Variants in ABCC12 observed in about 807,000 individuals in gnomAD.
ABCC12 encodes the protein ATP binding cassette subfamily C member 12.
Under a neutral mutation model 151.1 loss-of-function variants are expected in ABCC12, and 142 were observed. The observed-to-expected ratio is 0.94, with a 90% CI of 0.82 to 1.08. The LOEUF is 1.08. Ranked by LOEUF, ABCC12 falls within the 50% of genes least tolerant of loss-of-function variation. ABCC12 has a pLI of 0.00. For missense variants in ABCC12, 1,638 were observed against 1,691.1 expected (o/e 0.97, Z 0.55); for synonymous variants, 645 against 646.4 (o/e 1.00, Z 0.03).
In ABCC12 at chr16:48,130,553, A is replaced by G. The variant is rs74645201; in HGVS notation, c.1236+235T>C. On this transcript the variant is annotated intron_variant, in intron 10 of 30. Coordinates refer to ENST00000311303, the MANE Select transcript of ABCC12 (RefSeq NM_001393797.1). Reference sequence around the variant, plus strand: ...GTTTAGGAAAAAGAGGATCAGGAACATCTTCTTCATGTACAGAGATTATCT... The same window carrying G: ...GTTTAGGAAAAAGAGGATCAGGAACGTCTTCTTCATGTACAGAGATTATCT... Among the ~76,000 whole-genome samples, 746 of 152,350 alleles carry G rather than the reference A, an allele frequency of 4.9e-3. 6 individuals are homozygous for G. The highest frequency in any genetic ancestry group is 0.017 in the African/African-American group (701 of 41,582).
chr16:48,092,816 C>T lies in ABCC12; in HGVS notation c.3196-1607G>A, dbSNP rs141565650. Among the ~76,000 whole-genome samples, 417 of 152,182 alleles carry T rather than the reference C, an allele frequency of 2.7e-3. 1 individual carries two copies. Among genetic ancestry groups the T allele is most frequent in the African/African-American group, 9.5e-3 (395 of 41,484 alleles). ...AGATAGGGGTTTCCAGAGGACTGTG[C>T]GAGCTGAGGCATTTATGATAAGAAG... is the stretch of plus-strand genomic sequence containing the variant. On this transcript the variant is annotated intron_variant, in intron 24 of 30. Coordinates refer to ENST00000311303, the MANE Select transcript of ABCC12 (RefSeq NM_001393797.1).
intron 4 of ABCC12, among the ~76,000 whole-genome samples, chr16:48,142,741 A>G (rs1198133823): frequency 6.6e-6 from 1 of 152,268 alleles, no homozygotes; most frequent in Non-Finnish European, 1.5e-5. Flanking sequence ...TCATCCTAAC[A>G]TGGAAAAGTC....
At position 48,143,920 on chromosome 16, in the gene ABCC12, T is replaced by C; in HGVS notation, c.265A>G (p.Asn89Asp). 1 of 1,613,450 alleles carries C rather than the reference T, an allele frequency of 6.2e-7. No homozygotes were observed. The highest frequency in any genetic ancestry group is 8.5e-7 in the Non-Finnish European group (1 of 1,179,548). The change falls in exon 4 of 31, where the codon AAT (asparagine) becomes GAT (aspartate). Residue 89 changes from asparagine to aspartate, a missense_variant. Transcript: ENST00000311303. ...AGCAAATCCTGGTACCTTTTGGCAT[T>C]GGTGTCAGATGAGTCATATGTCGAC... is the stretch of plus-strand genomic sequence containing the variant. ...PLSTYDSSDTNAKRFRVLWDE... is the reference protein window; with the variant it reads ...PLSTYDSSDTDAKRFRVLWDE...
intron 9 of ABCC12, among the ~76,000 whole-genome samples, chr16:48,133,326 A>G (rs954782749): frequency 2.0e-5 from 3 of 152,104 alleles, no homozygotes; most frequent in Non-Finnish European, 4.4e-5. Context: ...GTTCAAGACC[A>G]GCCTGGCCAA....
chr16:48,096,647 TC>T, intron 24 of ABCC12, 98 bp downstream of exon 24: 1 of 1,260,276 alleles, frequency 7.9e-7, no homozygotes, highest in Non-Finnish European at 1.1e-6. Flanking sequence ...TTAAACCCAT[TC>T]GAGTTGGGGT....
intron 9 of ABCC12, 117 bp downstream of exon 9, chr16:48,133,570 G>A: frequency 8.1e-7 from 1 of 1,241,888 alleles, no homozygotes; most frequent in Non-Finnish European, 1.1e-6. Context: ...ACATCCTGTG[G>A]CCTGCCATGA....
chr16:48,138,486 C>G, intron 7 of ABCC12, 111 bp from the exon 8 acceptor site: 2 of 1,279,244 alleles, frequency 1.6e-6, no homozygotes, highest in Non-Finnish European at 2.1e-6. Flanking sequence ...AGGAAGTTGG[C>G]TTCAGATTCT....
At position 48,140,728 on chromosome 16, in the gene ABCC12, G is replaced by A; in HGVS notation, c.616C>T (p.Leu206=). ...TGGGTCAATGTCTTGAAGGACACTAGGTTTTCAAAAACCAAGGTGGAGAGC... is the reference window on the plus strand; with the variant it reads ...TGGGTCAATGTCTTGAAGGACACTAAGTTTTCAAAAACCAAGGTGGAGAGC... ...VALSTLVFEN[L]VSFKTLTHIS... Residue 206 remains leucine, a synonymous_variant, in exon 6 of 31, where the codon CTA becomes TTA. Coordinates refer to ENST00000311303, the MANE Select transcript of ABCC12 (RefSeq NM_001393797.1). 1 of 1,614,210 alleles carries A rather than the reference G, an allele frequency of 6.2e-7. No individual in the cohort carries two copies. Among genetic ancestry groups the A allele is most frequent in the East Asian group, 2.2e-5 (1 of 44,882 alleles).
At chr16:48,109,290 C>T (rs1391512967) in intron 18 of ABCC12, among the ~76,000 whole-genome samples, 3 of 152,136 alleles carry the variant, frequency 2.0e-5, no homozygotes, top group African/African-American at 7.2e-5. Context: ...TGCATGGACA[C>T]CTGATTCCCT....
chr16:48,104,746 C>T (rs1963427534), intron 21 of ABCC12, among the ~76,000 whole-genome samples: 1 of 152,222 alleles, frequency 6.6e-6, no homozygotes, highest in African/African-American at 2.4e-5. Flanking sequence ...GCCCCACCCA[C>T]ATGCTCTAGC....
At chr16:48,117,443 C>A (rs1054296453) in intron 13 of ABCC12, 110 bp from the exon 14 acceptor site, 3 of 1,178,898 alleles carry the variant, frequency 2.5e-6, no homozygotes. Flanking sequence ...CCAGGGGTGG[C>A]GGCTGCTATG....
rs759737676 is a variant in ABCC12, at chr16:48,139,289, G to T, written c.705C>A (p.Ala235=). 8 of 1,613,752 alleles carry T rather than the reference G, an allele frequency of 5.0e-6. No homozygotes were observed. In the African/African-American group the frequency reaches 5.3e-5, roughly 11 times the overall value. ...TGGTGGCTGGCAAAGGACAAAACAA[G>T]GCAGCTTCAAACAAAGAATAGCTAT... The part of the protein sequence containing the change: ...SSDSYSLFEA[A]LFCPLPATIP... The change falls in exon 7 of 31, where the codon GCC becomes GCA. Residue 235 remains alanine, a synonymous_variant. Coordinates refer to ENST00000311303, the MANE Select transcript of ABCC12 (RefSeq NM_001393797.1).
chr16:48,114,948 C>A (rs1002711979), intron 15 of ABCC12, among the ~76,000 whole-genome samples: 4 of 152,196 alleles, frequency 2.6e-5, no homozygotes, highest in African/African-American at 9.7e-5. Flanking sequence ...CTTCAAGCCC[C>A]TTTCCCCTGG....
At position 48,147,812 on chromosome 16, in the gene ABCC12, G is replaced by A. The variant is rs139321705; in HGVS notation, c.-50-1338C>T. Among the ~76,000 whole-genome samples, 436 of 152,284 alleles carry A rather than the reference G, an allele frequency of 2.9e-3. 1 individual carries two copies. The highest frequency in any genetic ancestry group is 0.01 in the African/African-American group (428 of 41,548). ...TACAACAGAATTTGAAAATCATAAT[G>A]TCTTCATCTCAAAAAGATAAATCCC... is the stretch of plus-strand genomic sequence containing the variant. On this transcript the variant is annotated intron_variant, in intron 2 of 30. Coordinates refer to ENST00000311303, the MANE Select transcript of ABCC12 (RefSeq NM_001393797.1).
At chr16:48,125,308 C>T (rs900678255) in intron 11 of ABCC12, among the ~76,000 whole-genome samples, 1 of 152,144 alleles carries the variant, frequency 6.6e-6, no homozygotes, top group African/African-American at 2.4e-5. Context: ...ATAGCTTTGT[C>T]CCACCCAATG....
Position 48,104,248 on chromosome 16 carries a change from GC to G in ABCC12, c.2793del (p.Gln932SerfsTer11), listed in dbSNP as rs757995768. 6.2e-7 allele frequency: 1 copy of G among 1,614,262 alleles called. No homozygotes were observed. The highest frequency in any genetic ancestry group is 8.5e-7 in the Non-Finnish European group (1 of 1,180,054). On this transcript the variant is annotated frameshift_variant, in exon 22 of 31. Coordinates refer to ENST00000311303, the MANE Select transcript of ABCC12 (RefSeq NM_001393797.1). LOFTEE classifies it high-confidence loss of function. ...ATAAACACCACCATAAAAAACTGCT[GC>G]AGAAAGTTCTCTGCGTGAAACGGCA... ...VRLPFHAENF[L>X]QQFFMVVFIL...
rs1399512293 is a variant in ABCC12 at position 48,115,471 on chromosome 16, A to C, written c.1933T>G (p.Cys645Gly). 4 of 1,613,980 alleles carry C rather than the reference A, an allele frequency of 2.5e-6. No individual in the cohort carries two copies. ...TTTCCCCTGAGCGTCTTCTTAATGCACTCCTCAAAGACGTGCTTCCCCACG... is the reference window on the plus strand; with the variant it reads ...TTTCCCCTGAGCGTCTTCTTAATGCCCTCCTCAAAGACGTGCTTCCCCACG... ...AHVGKHVFEE[C>G]IKKTLRGKTV... Residue 645 changes from cysteine (C) to glycine (G), a missense_variant, in exon 15 of 31, where the codon TGC (cysteine) becomes GGC (glycine). Coordinates refer to ENST00000311303, the MANE Select transcript of ABCC12 (RefSeq NM_001393797.1).
intron 10 of ABCC12, among the ~76,000 whole-genome samples, 153 bp from the exon 11 acceptor site, chr16:48,128,890 C>T (rs1049797030): frequency 1.3e-5 from 2 of 152,240 alleles, no homozygotes; most frequent in Admixed American, 1.3e-4. Context: ...CCAGGAGAAG[C>T]TGCAGCAGAA....
Position 48,083,769 on chromosome 16 carries a change from T to A in ABCC12, c.4026A>T (p.Ala1342=). Residue 1342 remains alanine, a synonymous_variant, in exon 31 of 31, where the codon GCA becomes GCT. Coordinates refer to ENST00000311303, the MANE Select transcript of ABCC12 (RefSeq NM_001393797.1). The part of the protein sequence containing the change: ...VIEFDKPEVL[A]EKPDSAFAML... The stretch of plus-strand genomic sequence containing the variant: ...TCGCAAATGCAGAATCTGGCTTCTC[T>A]GCAAGGACTTCAGGCTTGTCAAACT... The A allele has an allele frequency of 2.5e-6, 4 of 1,614,246 alleles. No individual in the cohort carries two copies. Among genetic ancestry groups the A allele is most frequent in the Non-Finnish European group, 3.4e-6 (4 of 1,180,044 alleles).
Sources: gnomAD v4.1 joint callset for allele counts (sites outside exome capture counted in the v4.1 genomes callset) on GRCh38, gnomAD v4.1.1 for gene constraint, MANE v1.5 for transcripts, NCBI Gene and HGNC (gene_info 2026-07-23, HGNC 2026-07-21) for gene names.